The following FKRP variants were observed in gnomAD, a reference collection of about 807,000 sequenced individuals.
FKRP encodes fukutin related protein.
A neutral mutation model predicts 30.6 loss-of-function variants in FKRP; 25 were observed. The observed-to-expected ratio is 0.82, with a 90% CI of 0.60 to 1.14. The LOEUF (loss-of-function observed/expected upper bound fraction) is 1.14, where lower values mean the gene tolerates loss of function less well. Ranked by LOEUF, FKRP falls within the 50% of genes most tolerant of loss-of-function variation. The probability of loss-of-function intolerance (pLI) is 0.00; values close to 1 mark genes in which losing one functional copy is unlikely to be tolerated. For synonymous variants in FKRP, 358 were observed against 342.5 expected (o/e 1.05, Z -0.50); for missense variants, 771 against 727.8 (o/e 1.06, Z -0.68).
chr19:46,756,920 T>A lies in FKRP; in HGVS notation c.1470T>A (p.Ser490Arg). Residue 490 changes from serine to arginine, a missense_variant, in exon 4 of 4, where the codon AGT (serine) becomes AGA (arginine). By Grantham distance (110) the Ser-to-Arg change is moderately radical. Transcript: ENST00000318584. This position sits in a 1 kb window ranked among gnomAD's most constrained non-coding sequence, Gnocchi z 6.6. ...NPQYPNPALL[S>R]LTGSG ...AGTACCCCAACCCGGCACTGCTGAG[T>A]CTGACGGGAAGCGGCTGAAGCCCTG... The A allele has an allele frequency of 6.2e-7, 1 of 1,612,924 alleles. No homozygotes were observed. Among genetic ancestry groups the A allele is most frequent in the Non-Finnish European group, 8.5e-7 (1 of 1,179,940 alleles).
rs1229238456 is a variant in FKRP, at chr19:46,755,730, C to T, written c.280C>T (p.Pro94Ser). ...GCTCCCCTACCCGCCCCTGGCCCTG[C>T]CCCGCATCCCCAACGTGCGTCTGGC... is the stretch of plus-strand genomic sequence containing the variant. ...DTLPYPPLAL[P>S]RIPNVRLALL... The change falls in exon 4 of 4, where the codon CCC becomes TCC. Residue 94 changes from proline (P) to serine (S), a missense_variant. Transcript: ENST00000318584. The T allele has an allele frequency of 1.3e-6, 2 of 1,569,866 alleles. No individual in the cohort carries two copies. The highest frequency in any genetic ancestry group is 1.7e-6 in the Non-Finnish European group (2 of 1,165,146).
In FKRP at chr19:46,758,177, G is replaced by A. The variant is rs1319031905; in HGVS notation, c.*1239G>A. On this transcript the variant is annotated 3_prime_UTR_variant, in exon 4 of 4. Transcript: ENST00000318584. ...ATGAAAAAGCTGAGGCCAGAATCGT[G>A]AAGTCACTTGCTCAAGGTCAGGCAG... 6.0e-6 allele frequency: 1 copy of A among 167,092 alleles called. No individual in the cohort carries two copies. The highest frequency in any genetic ancestry group is 2.4e-5 in the African/African-American group (1 of 41,444). The allele number at this position is 167,092 out of a possible 1,614,324, so 10.4% of individuals were successfully genotyped here. A position where few individuals can be genotyped will look rare whatever the true frequency, so the allele number is the denominator to read the frequency against.
chr19:46,752,694 C>T (rs529125049), intron 3 of FKRP, among the ~76,000 whole-genome samples: 2 of 151,990 alleles, frequency 1.3e-5, no homozygotes, highest in Admixed American at 1.3e-4. Flanking sequence ...GAGCCAGTCT[C>T]CACAAAAATG....
In FKRP at chr19:46,755,618, C is replaced by T. The variant is rs1443120812; in HGVS notation, c.168C>T (p.Phe56=). 2.5e-6 allele frequency: 4 copies of T among 1,604,464 alleles called. No individual in the cohort carries two copies. In the Admixed American group the frequency reaches 5.0e-5, roughly 20 times the overall value. Residue 56 remains phenylalanine (F), a synonymous_variant, in exon 4 of 4, where the codon TTC becomes TTT. Transcript: ENST00000318584. ...GPRVTVLVRE[F]EAFDNAVPEL... is the part of the protein sequence containing the mutation. ...GTGTCACCGTCCTGGTGCGGGAGTTCGAGGCATTTGACAACGCGGTGCCCG... is the reference window on the plus strand; with the variant it reads ...GTGTCACCGTCCTGGTGCGGGAGTTTGAGGCATTTGACAACGCGGTGCCCG...
In FKRP at chr19:46,756,424, C is replaced by G; in HGVS notation, c.974C>G (p.Thr325Ser). Residue 325 changes from threonine to serine, a missense_variant, in exon 4 of 4, where the codon ACC becomes AGC. Coordinates refer to ENST00000318584, the MANE Select transcript of FKRP (RefSeq NM_024301.5). This position sits in a 1 kb window ranked among gnomAD's most constrained non-coding sequence, Gnocchi z 6.6. ...PPCCLRALRE[T>S]ARYVVGVLEA... ...TGCTGCCTGCGCGCGCTGCGCGAGA[C>G]CGCCCGCTATGTGGTGGGCGTGCTG... 6.3e-7 allele frequency: 1 copy of G among 1,580,666 alleles called. No individual in the cohort carries two copies. The highest frequency in any genetic ancestry group is 8.6e-7 in the Non-Finnish European group (1 of 1,163,916).
chr19:46,745,465 C>T (rs2054565497), upstream of FKRP, among the ~76,000 whole-genome samples: 4 of 152,140 alleles, frequency 2.6e-5, no homozygotes, highest in South Asian at 8.3e-4. Flanking sequence ...CTCCTCCCAC[C>T]CCTCGGGTCC....
chr19:46,754,481 T>C (rs1462771985), intron 3 of FKRP, among the ~76,000 whole-genome samples: 1 of 150,714 alleles, frequency 6.6e-6, no homozygotes, highest in Admixed American at 6.6e-5. Flanking sequence ...AACCTCCACC[T>C]CCCAGGTTCA....
In FKRP at chr19:46,756,458, G is replaced by C. The variant is rs748542420; in HGVS notation, c.1008G>C (p.Ala336=). ...ATGTGGTGGGCGTGCTGGAGGCTGC[G>C]GGCGTGCGCTACTGGCTCGAGGGCG... ...ARYVVGVLEA[A]GVRYWLEGGS... is the part of the protein sequence containing the mutation. Residue 336 remains alanine (A), a synonymous_variant, in exon 4 of 4, where the codon GCG becomes GCC. Coordinates refer to ENST00000318584, the MANE Select transcript of FKRP (RefSeq NM_024301.5). The surrounding 1 kb of genome is among the most constrained non-coding windows in gnomAD (Gnocchi z 6.6). 3.5e-5 allele frequency: 55 copies of C among 1,584,628 alleles called. No individual in the cohort carries two copies. The highest frequency in any genetic ancestry group is 4.2e-5 in the Non-Finnish European group (49 of 1,165,792).
In FKRP at chr19:46,746,446, G is replaced by C. The variant is rs538487169; in HGVS notation, c.-253+356G>C. The C allele has an allele frequency of 3.0e-6, 3 of 1,004,464 alleles. No individual in the cohort carries two copies. The Admixed American group carries it at 1.8e-4, about 60-fold the overall frequency. 62.2% of individuals were successfully genotyped at this position (1,004,464 alleles called of 1,614,324 possible). A position where few individuals can be genotyped will look rare whatever the true frequency, so the allele number is the denominator to read the frequency against. ...CCTCCATCATGGAGGCCCCGGGGCC[G>C]GCCTGCGCGCCCGCTGTGCCTCGCG... is the stretch of plus-strand genomic sequence containing the variant. On this transcript the variant is annotated intron_variant, in intron 1 of 3. Transcript: ENST00000318584.
chr19:46,746,489 C>T, intron 1 of FKRP: 4 of 861,098 alleles, frequency 4.6e-6, no homozygotes, highest in Non-Finnish European at 5.4e-6. Context: ...GCGGCCGCGC[C>T]AACACCCCCC....
At chr19:46,749,430 G>A (rs1464027447) in intron 3 of FKRP, among the ~76,000 whole-genome samples, 3 of 25,046 alleles carry the variant, frequency 1.2e-4, no homozygotes, top group African/African-American at 5.2e-4. Context: ...TTTTTTTTTT[G>A]AGATAAGGTC....
At chr19:46,748,783 C>G (rs958618929) in intron 3 of FKRP, 118 bp downstream of exon 3, 8 of 152,394 alleles carry the variant, frequency 5.2e-5, no homozygotes, top group African/African-American at 1.9e-4. Context: ...AGGGTCTCAC[C>G]CAGGCTAGAG....
chr19:46,745,986 G>A (rs2054585654), upstream of FKRP: 57 of 869,846 alleles, frequency 6.6e-5, 1 homozygote, highest in South Asian at 1.5e-3. Context: ...GACACCCCTC[G>A]GACGGCCCCT....
At chr19:46,746,443 G>GCCGGCCCGCGCGC in intron 1 of FKRP, 20 of 1,006,158 alleles carry the variant, frequency 2.0e-5, no homozygotes, top group Non-Finnish European at 2.1e-5. Context: ...AGGCCCCGGG[G>GCCGGCCCGCGCGC]CCGGCCTGCG....
Position 46,756,626 on chromosome 19 carries a change from C to T in FKRP, c.1176C>T (p.Phe392=), listed in dbSNP as rs768236258. The T allele has an allele frequency of 1.2e-6, 2 of 1,612,832 alleles. No homozygotes were observed. The highest frequency in any genetic ancestry group is 1.7e-5 in the Admixed American group (1 of 59,778). ...GCTCGGTGGTGGATGAGCGCGGCTT[C>T]GTATGGGAGAAGGCGGTCGAGGGCG... ...EAGSVVDERG[F]VWEKAVEGDF... is the part of the protein sequence containing the mutation. The change falls in exon 4 of 4, where the codon TTC becomes TTT. Residue 392 remains phenylalanine, a synonymous_variant. Coordinates refer to ENST00000318584, the MANE Select transcript of FKRP (RefSeq NM_024301.5). The surrounding 1 kb of genome is among the most constrained non-coding windows in gnomAD (Gnocchi z 6.6).
In FKRP at chr19:46,757,011, G is replaced by T; in HGVS notation, c.*73G>T. ...GAGAAGCTCTGTGTGAGCGGTGAGG[G>T]GTGGAGGGATGTCGCGGAGAGGGGA... On this transcript the variant is annotated 3_prime_UTR_variant, in exon 4 of 4. Transcript: ENST00000318584. 1.3e-6 allele frequency: 2 copies of T among 1,583,676 alleles called. No homozygotes were observed. The highest frequency in any genetic ancestry group is 1.7e-4 in the Middle Eastern group (1 of 5,936).
chr19:46,757,217 C>T lies in FKRP; in HGVS notation c.*279C>T, dbSNP rs2054946414. The T allele has an allele frequency of 1.8e-6, 1 of 564,994 alleles. No individual in the cohort carries two copies. Among genetic ancestry groups the T allele is most frequent in the South Asian group, 2.0e-5 (1 of 49,502 alleles). 35.0% of individuals were successfully genotyped at this position (564,994 alleles called of 1,614,324 possible). A position where few individuals can be genotyped will look rare whatever the true frequency, so the allele number is the denominator to read the frequency against. ...GGGTCATCTCAGTCATGGAGGGAGA[C>T]GGGGATGTCACGCCGTCCCGCAGGG... On this transcript the variant is annotated 3_prime_UTR_variant, in exon 4 of 4. Transcript: ENST00000318584.
chr19:46,746,078 G>A lies in FKRP; in HGVS notation c.-265G>A. ...CGGCCATTGCTCCAAGATGGCGGCG[G>A]CGGCGGCAGCGGGTGAGGCCGGGCC... On this transcript the variant is annotated 5_prime_UTR_variant, in exon 1 of 4. Transcript: ENST00000318584. The A allele has an allele frequency of 8.3e-6, 11 of 1,325,508 alleles. No homozygotes were observed. Among genetic ancestry groups the A allele is most frequent in the Non-Finnish European group, 1.1e-5 (11 of 1,040,702 alleles). The allele number at this position is 1,325,508 out of a possible 1,614,324, so 82.1% of individuals were successfully genotyped here.
In FKRP at chr19:46,758,190, C is replaced by T. The variant is rs1223078670; in HGVS notation, c.*1252C>T. ...GGCCAGAATCGTGAAGTCACTTGCTCAAGGTCAGGCAGCTTAGGAAGGGGC... is the reference window on the plus strand; with the variant it reads ...GGCCAGAATCGTGAAGTCACTTGCTTAAGGTCAGGCAGCTTAGGAAGGGGC... On this transcript the variant is annotated 3_prime_UTR_variant, in exon 4 of 4. Transcript: ENST00000318584. 3 of 167,054 alleles carry T rather than the reference C, an allele frequency of 1.8e-5. No homozygotes were observed. Among genetic ancestry groups the T allele is most frequent in the Non-Finnish European group, 4.4e-5 (3 of 68,122 alleles). 10.3% of individuals were successfully genotyped at this position (167,054 alleles called of 1,614,324 possible).
Sources: allele counts gnomAD v4.1 joint callset (sites outside exome capture counted in the v4.1 genomes callset), GRCh38; gene constraint gnomAD v4.1.1; non-coding constraint Gnocchi (gnomAD v3.1); transcripts MANE v1.5; gene names NCBI Gene and HGNC (gene_info 2026-07-23, HGNC 2026-07-21).